Variants in COL4A4 observed in about 807,000 individuals in gnomAD.
COL4A4 encodes collagen type IV alpha 4 chain.
In COL4A4, 105 loss-of-function variants were observed where a neutral mutation model predicts 192.9. The ratio of observed to expected loss-of-function variants is 0.54; its 90% CI spans 0.46 to 0.64. The LOEUF is 0.64. COL4A4 is among the 30% of genes least tolerant of loss of function. The pLI, the probability that COL4A4 is intolerant of heterozygous loss-of-function variation, is 0.00. For synonymous variants in COL4A4, 762 were observed against 769.9 expected (o/e 0.99, Z 0.17); for missense variants, 1,967 against 2,169.3 (o/e 0.91, Z 1.85).
At position 227,051,148 on chromosome 2, in the gene COL4A4, TC is replaced by T; in HGVS notation, c.2978del (p.Gly993GlufsTer45). 6.2e-7 allele frequency: 1 copy of T among 1,614,124 alleles called. No individual in the cohort carries two copies. The highest frequency in any genetic ancestry group is 8.5e-7 in the Non-Finnish European group (1 of 1,179,980). On this transcript the variant is annotated frameshift_variant, in exon 33 of 48. Transcript: ENST00000396625. LOFTEE classifies it high-confidence loss of function. ...CTCTTCTCCCTTGCATCCCGGGAGTTCCTTTATCACCTGATGAAGTTGGAAG... is the reference window on the plus strand; with the variant it reads ...CTCTTCTCCCTTGCATCCCGGGAGTTCTTTATCACCTGATGAAGTTGGAAG... ...DGFPGERGDK[G>X]TPGMQGRRGE...
chr2:227,028,086 AATTCAGAG>A, intron 41 of COL4A4, 77 bp from the exon 42 acceptor site: 2 of 1,024,876 alleles, frequency 2.0e-6, no homozygotes, highest in Middle Eastern at 2.0e-4. Flanking sequence ...TGATAGACTG[AATTCAGAG>A]ATTCACTCCA....
At chr2:227,051,729 A>G (rs1279516035) in intron 32 of COL4A4, among the ~76,000 whole-genome samples, 1 of 152,182 alleles carries the variant, frequency 6.6e-6, no homozygotes, top group African/African-American at 2.4e-5. Flanking sequence ...TCATTGCGCT[A>G]TTCACTTTAA....
chr2:227,069,845 C>T (rs377390690), intron 25 of COL4A4, among the ~76,000 whole-genome samples: 7 of 149,516 alleles, frequency 4.7e-5, no homozygotes, highest in African/African-American at 9.9e-5. Context: ...AAAGCAATGG[C>T]AACAAAAGAC....
intron 1 of COL4A4, among the ~76,000 whole-genome samples, chr2:227,150,569 G>A (rs2063861487): frequency 6.6e-6 from 1 of 152,150 alleles, no homozygotes; most frequent in East Asian, 1.9e-4. Flanking sequence ...CTGCTAAGAA[G>A]AAATACCTGA....
At chr2:227,071,574 C>A (rs889816093) in intron 25 of COL4A4, among the ~76,000 whole-genome samples, 1 of 152,098 alleles carries the variant, frequency 6.6e-6, no homozygotes, top group East Asian at 1.9e-4. Flanking sequence ...ACAGAACATT[C>A]TACCCAAGAT....
intron 24 of COL4A4, among the ~76,000 whole-genome samples, 175 bp from the exon 25 acceptor site, chr2:227,078,252 A>T (rs1305813715): frequency 6.6e-6 from 1 of 152,052 alleles, no homozygotes; most frequent in Admixed American, 6.6e-5. Context: ...TTTTAAATAT[A>T]TATATATAGA....
intron 37 of COL4A4, among the ~76,000 whole-genome samples, chr2:227,041,846 A>AAGAGAGAGAGAGAGAGAGAGAGAG (rs767450885): frequency 1.3e-4 from 5 of 39,316 alleles, no homozygotes; most frequent in African/African-American, 4.1e-4. Context: ...GAAAGAAAGA[A>AAGAGAGAGAGAGAGAGAGAGAGAG]AGAGAAAGAA....
At chr2:227,038,729 T>C (rs563671793) in intron 37 of COL4A4, among the ~76,000 whole-genome samples, 1 of 152,338 alleles carries the variant, frequency 6.6e-6, no homozygotes, top group African/African-American at 2.4e-5. Flanking sequence ...CAGCTTTGAG[T>C]TCAGCAGCTG....
intron 3 of COL4A4, among the ~76,000 whole-genome samples, chr2:227,141,907 A>G (rs2063233015): frequency 6.6e-6 from 1 of 152,132 alleles, no homozygotes; most frequent in African/African-American, 2.4e-5. Flanking sequence ...GTTGGGCTTC[A>G]TTACTATGTG....
intron 18 of COL4A4, 100 bp downstream of exon 18, chr2:227,099,520 A>C: frequency 9.5e-7 from 1 of 1,055,298 alleles, no homozygotes; most frequent in Non-Finnish European, 1.5e-6. Context: ...CAGCCTGCCT[A>C]GTGTGCAAGC....
intron 7 of COL4A4, among the ~76,000 whole-genome samples, chr2:227,114,971 A>C (rs538887923): frequency 6.6e-6 from 1 of 152,276 alleles, no homozygotes; most frequent in South Asian, 2.1e-4. Flanking sequence ...TTTCCTTACA[A>C]TATAAAACAC....
chr2:227,051,956 G>A (rs1240704145), intron 32 of COL4A4, among the ~76,000 whole-genome samples: 3 of 152,140 alleles, frequency 2.0e-5, no homozygotes, highest in Non-Finnish European at 4.4e-5. Flanking sequence ...TTGGGAGGCC[G>A]AGGCGGGTGG....
At chr2:227,109,100 T>C (rs2061026572) in intron 10 of COL4A4, 124 bp downstream of exon 10, 1 of 997,466 alleles carries the variant, frequency 1.0e-6, no homozygotes, top group Non-Finnish European at 1.6e-6. Flanking sequence ...GGGTTTTCAC[T>C]GATTCATCGA....
chr2:227,164,394 A>C, upstream of COL4A4: 1 of 451,416 alleles, frequency 2.2e-6, no homozygotes. This position sits in a 1 kb window ranked among gnomAD's most constrained non-coding sequence, Gnocchi z 4.8. Context: ...TTAACCCCTT[A>C]CCCTGGATCC....
At chr2:226,983,456 A>G in the COL4A4 span, among the ~76,000 whole-genome samples, 4 of 152,054 alleles carry the variant, frequency 2.6e-5, no homozygotes, top group South Asian at 6.2e-4. Context: ...AGCCACCTCA[A>G]TCCATTTCTT....
intron 1 of COL4A4, among the ~76,000 whole-genome samples, chr2:227,149,559 T>C (rs2063776695): frequency 6.6e-6 from 1 of 152,146 alleles, no homozygotes; most frequent in African/African-American, 2.4e-5. Context: ...CTAAAGCACA[T>C]CTCAATAAAA....
intron 26 of COL4A4, among the ~76,000 whole-genome samples, chr2:227,062,143 C>T (rs977123341): frequency 2.7e-5 from 4 of 150,832 alleles, no homozygotes; most frequent in East Asian, 2.0e-4. Flanking sequence ...AAGACTGAGG[C>T]GGAAGAATCA....
intron 1 of COL4A4, among the ~76,000 whole-genome samples, chr2:227,159,114 G>A (rs1416696001): frequency 2.0e-5 from 3 of 152,056 alleles, no homozygotes; most frequent in South Asian, 2.1e-4. Flanking sequence ...TCCACACAAT[G>A]GACTACTACT....
chr2:227,149,800 G>T (rs1325048253), intron 1 of COL4A4, among the ~76,000 whole-genome samples: 2 of 152,172 alleles, frequency 1.3e-5, no homozygotes, highest in Admixed American at 1.3e-4. Context: ...AGAGAGGGAA[G>T]GCCTGATTAT....
Sources: allele counts gnomAD v4.1 joint callset (sites outside exome capture counted in the v4.1 genomes callset), GRCh38; gene constraint gnomAD v4.1.1; non-coding constraint Gnocchi (gnomAD v3.1); transcripts MANE v1.5; gene names NCBI Gene and HGNC (gene_info 2026-07-23, HGNC 2026-07-21).